P3H2: variants seen among roughly 807,000 people sequenced by gnomAD.
P3H2 encodes the protein prolyl 3-hydroxylase 2, also known as leprecan-like 1.
Under a neutral mutation model 87.0 loss-of-function variants are expected in P3H2, and 80 were observed. The ratio of observed to expected loss-of-function variants is 0.92; its 90% CI spans 0.77 to 1.11. The LOEUF is 1.11. P3H2 is among the 50% of genes least tolerant of loss of function. The probability of loss-of-function intolerance (pLI) is 0.00; values close to 1 mark genes in which losing one functional copy is unlikely to be tolerated. For missense variants in P3H2, 1,001 were observed against 923.9 expected, an observed-to-expected ratio of 1.08 and a Z score of -1.08; for synonymous variants, 367 against 359.3, an observed-to-expected ratio of 1.02 and a Z score of -0.24.
At chr3:189,969,347 C>A in intron 13 of P3H2, 1 of 850,578 alleles carries the variant, frequency 1.2e-6, no homozygotes, top group South Asian at 1.4e-5. Flanking sequence ...AAACGAGGTC[C>A]CTCAGTTGTG....
intron 1 of P3H2, among the ~76,000 whole-genome samples, chr3:190,082,242 C>A (rs944068834): frequency 8.5e-5 from 13 of 152,206 alleles, no homozygotes; most frequent in South Asian, 2.1e-4. Flanking sequence ...AGTGACAGAA[C>A]AACATTCTGC....
chr3:190,092,470 A>G (rs1727439348), intron 1 of P3H2, among the ~76,000 whole-genome samples: 1 of 152,228 alleles, frequency 6.6e-6, no homozygotes, highest in Admixed American at 6.5e-5. Flanking sequence ...CAAGGAACGA[A>G]GTCTAGAAAA....
At chr3:190,104,488 A>G (rs1470431975) in intron 1 of P3H2, among the ~76,000 whole-genome samples, 2 of 152,164 alleles carry the variant, frequency 1.3e-5, no homozygotes, top group Non-Finnish European at 2.9e-5. Flanking sequence ...TAATATTTTA[A>G]TACCCTTTAA....
At chr3:190,018,854 T>C (rs1168801318) in intron 1 of P3H2, among the ~76,000 whole-genome samples, 1 of 152,216 alleles carries the variant, frequency 6.6e-6, no homozygotes, top group Non-Finnish European at 1.5e-5. Flanking sequence ...TACTCCTTTC[T>C]AAATTATTCA....
chr3:190,106,363 A>C (rs1303716623), intron 1 of P3H2, among the ~76,000 whole-genome samples: 4 of 152,132 alleles, frequency 2.6e-5, no homozygotes, highest in Admixed American at 2.6e-4. Flanking sequence ...TTGAACGTGA[A>C]GCCAGTTACT....
Position 190,021,751 on chromosome 3 carries a change from C to T in P3H2, c.481-26309G>A, listed in dbSNP as rs1724932470. 1.5e-5 allele frequency among the ~76,000 whole-genome samples: 2 copies of T among 134,722 alleles called. 1 individual carries two copies. Among genetic ancestry groups the T allele is most frequent in the Admixed American group, 1.5e-4 (2 of 13,126 alleles). The allele number at this position is 134,722 out of a possible 152,430, so 88.4% of individuals were successfully genotyped here. On this transcript the variant is annotated intron_variant, in intron 1 of 14. Coordinates refer to ENST00000319332, the MANE Select transcript of P3H2 (RefSeq NM_018192.4). ...TTTTTCAATAAATCTTTAATGAGTG[C>T]CTTTCATGTGCCAGGCATAATGCTA...
chr3:189,993,474 T>C (rs111843305), intron 3 of P3H2, among the ~76,000 whole-genome samples: 3,217 of 152,296 alleles, frequency 0.021, 90 homozygotes, highest in African/African-American at 0.065. Flanking sequence ...CCCCACTTTC[T>C]CCTCATAAGT....
At chr3:189,971,528 G>A (rs989552191) in intron 12 of P3H2, 1 of 289,352 alleles carries the variant, frequency 3.5e-6, no homozygotes, top group Non-Finnish European at 6.7e-6. Flanking sequence ...GATAATTGAT[G>A]TGATAAAGTC....
chr3:189,978,830 T>C (rs1723434576), intron 8 of P3H2, among the ~76,000 whole-genome samples: 1 of 151,960 alleles, frequency 6.6e-6, no homozygotes, highest in African/African-American at 2.4e-5. Context: ...AAAATAAAAA[T>C]GTAGTCCAAT....
intron 1 of P3H2, among the ~76,000 whole-genome samples, chr3:190,031,229 A>G (rs1304674910): frequency 1.3e-5 from 2 of 152,234 alleles, no homozygotes; most frequent in Non-Finnish European, 2.9e-5. Context: ...AAAGTGATGG[A>G]AGATATAACC....
intron 1 of P3H2, among the ~76,000 whole-genome samples, chr3:190,070,568 G>A (rs1288103334): frequency 6.6e-6 from 1 of 152,104 alleles, no homozygotes; most frequent in Non-Finnish European, 1.5e-5. Flanking sequence ...AGAGCACACG[G>A]TCCAAGGAGG....
chr3:189,984,655 T>C (rs556193774), intron 6 of P3H2, 65 bp from the exon 7 acceptor site: 1 of 1,125,318 alleles, frequency 8.9e-7, no homozygotes, highest in Non-Finnish European at 1.3e-6. Context: ...CTTACAGAAT[T>C]AAGATAAAAT....
chr3:190,002,711 T>C (rs1724255820), intron 1 of P3H2, among the ~76,000 whole-genome samples: 1 of 152,234 alleles, frequency 6.6e-6, no homozygotes, highest in South Asian at 2.1e-4. Flanking sequence ...ATGTTGGGTT[T>C]CTAATGTGTC....
intron 1 of P3H2, among the ~76,000 whole-genome samples, chr3:190,012,207 G>GGGGTGTGTGTGT (rs1283396692): frequency 5.5e-5 from 8 of 145,586 alleles, no homozygotes; most frequent in African/African-American, 2.1e-4. Context: ...TGTAGGTAAA[G>GGGGTGTGTGTGT]GTGTGTGTGT....
chr3:189,963,920 CA>C, intron 14 of P3H2, 37 bp downstream of exon 14: 2 of 1,612,706 alleles, frequency 1.2e-6, no homozygotes, highest in Non-Finnish European at 1.7e-6. Context: ...GTTCATGAAG[CA>C]AGCCTAATTG....
rs1277878051 is a variant in P3H2 at position 190,050,487 on chromosome 3, T to A, written c.481-55045A>T. Among the ~76,000 whole-genome samples, 5 of 152,190 alleles carry A rather than the reference T, an allele frequency of 3.3e-5. No individual in the cohort carries two copies. In the East Asian group the frequency reaches 9.7e-4, roughly 29 times the overall value. On this transcript the variant is annotated intron_variant, in intron 1 of 14. Transcript: ENST00000319332. ...AGATCTCTAGAAGTATCTATGCTTC[T>A]ATAGATGCAGACTTAGATGTCAGGT...
chr3:190,007,930 C>T (rs114348239), intron 1 of P3H2, among the ~76,000 whole-genome samples: 953 of 87,760 alleles, frequency 0.011, 14 homozygotes, highest in African/African-American at 0.037. Context: ...GCTCAAAAAA[C>T]TAATCAGCTG....
intron 1 of P3H2, among the ~76,000 whole-genome samples, chr3:190,055,702 T>C (rs1026894191): frequency 2.6e-5 from 4 of 152,176 alleles, no homozygotes; most frequent in Non-Finnish European, 4.4e-5. Flanking sequence ...ACAAACAAAA[T>C]AGATTCAGCG....
intron 1 of P3H2, among the ~76,000 whole-genome samples, chr3:190,095,771 T>C (rs185819808): frequency 2.6e-3 from 389 of 151,952 alleles, no homozygotes; most frequent in Non-Finnish European, 4.9e-3. Flanking sequence ...TGGCTAATTA[T>C]TTTTGTATTT....
Sources: allele counts gnomAD v4.1 joint callset (sites outside exome capture counted in the v4.1 genomes callset), GRCh38; gene constraint gnomAD v4.1.1; transcripts MANE v1.5; gene names NCBI Gene and HGNC (gene_info 2026-07-23, HGNC 2026-07-21).